The following DCN variants were observed in gnomAD, a reference collection of about 807,000 sequenced individuals.
DCN encodes decorin.
DCN carries 17 observed loss-of-function variants against 36.5 expected under a neutral mutation model. That is an observed-to-expected ratio of 0.47 (90% CI 0.32 to 0.70). The LOEUF is 0.70. DCN is among the 30% of genes least tolerant of loss of function. DCN has a pLI of 0.04. For missense variants in DCN, 389 were observed against 430.1 expected (o/e 0.90, Z 0.84); for synonymous variants, 163 against 161.4 (o/e 1.01, Z -0.07).
intron 2 of DCN, among the ~76,000 whole-genome samples, chr12:91,170,454 A>G (rs976030446): frequency 6.6e-6 from 1 of 152,156 alleles, no homozygotes; most frequent in African/African-American, 2.4e-5. Context: ...TTCTGCATTC[A>G]TCATTGTTCC....
intron 2 of DCN, among the ~76,000 whole-genome samples, chr12:91,168,897 G>A (rs1022610836): frequency 1.3e-5 from 2 of 152,144 alleles, no homozygotes; most frequent in African/African-American, 4.8e-5. Flanking sequence ...CTGTCTAATA[G>A]AGTGACTACT....
chr12:91,162,923 A>C (rs1678675999), intron 3 of DCN, among the ~76,000 whole-genome samples: 1 of 152,106 alleles, frequency 6.6e-6, no homozygotes, highest in African/African-American at 2.4e-5. Context: ...TATGAGACCT[A>C]ATTTCCAGAT....
At chr12:91,166,693 C>T (rs1945619623) in intron 2 of DCN, among the ~76,000 whole-genome samples, 1 of 151,636 alleles carries the variant, frequency 6.6e-6, no homozygotes, top group East Asian at 1.9e-4. Context: ...ATGGCTGACA[C>T]TTTCACTTAT....
chr12:91,168,469 T>C (rs1212115968), intron 2 of DCN, among the ~76,000 whole-genome samples: 1 of 152,214 alleles, frequency 6.6e-6, no homozygotes, highest in African/African-American at 2.4e-5. Context: ...TATTTATTTT[T>C]TTCCTGAGTA....
chr12:91,146,331 TA>T, intron 7 of DCN, 79 bp from the exon 8 acceptor site: 2 of 817,730 alleles, frequency 2.4e-6, no homozygotes, highest in Non-Finnish European at 3.9e-6. Context: ...TTATTTTTTT[TA>T]TTATTTTTTA....
intron 2 of DCN, among the ~76,000 whole-genome samples, chr12:91,167,654 C>T (rs376046323): frequency 2.0e-5 from 3 of 152,016 alleles, no homozygotes; most frequent in African/African-American, 7.2e-5. Context: ...GTTCAACATT[C>T]AAAATTTTAC....
At position 91,146,164 on chromosome 12, in the gene DCN, G is replaced by A. The variant is rs138244851; in HGVS notation, c.974C>T (p.Ser325Leu). The change falls in exon 8 of 8, where the codon TCG (serine) becomes TTG (leucine). Residue 325 changes from serine to leucine, a missense_variant. Physicochemically the swap from Ser to Leu is moderately radical, Grantham distance 145. Transcript: ENST00000052754. ...PGHNTKKASY[S>L]GVSLFSNPVQ... ...CGGGTTGCTGAAAAGACTCACACCC[G>A]AATAAGAAGCCTTTTTGGTGTTGTG... The A allele has an allele frequency of 6.2e-6, 10 of 1,613,188 alleles. No homozygotes were observed. The highest frequency in any genetic ancestry group is 4.0e-5 in the African/African-American group (3 of 74,838).
Position 91,178,350 on chromosome 12 carries a change from G to T in DCN, c.203C>A (p.Ser68Tyr). The T allele has an allele frequency of 6.2e-7, 1 of 1,613,652 alleles. No homozygotes were observed. The highest frequency in any genetic ancestry group is 8.5e-7 in the Non-Finnish European group (1 of 1,179,818). Residue 68 changes from serine (S) to tyrosine (Y), a missense_variant, in exon 2 of 8, where the codon TCT becomes TAT. Coordinates refer to ENST00000052754, the MANE Select transcript of DCN (RefSeq NM_001920.5). ...CQCHLRVVQC[S>Y]DLGLDKVPKD... ...AACTGCATCCCACTCACCCAAATCA[G>T]AACACTGGACCACTCGAAGATGGCA...
chr12:91,153,719 A>T (rs574411781), intron 5 of DCN, among the ~76,000 whole-genome samples: 1 of 152,252 alleles, frequency 6.6e-6, no homozygotes, highest in South Asian at 2.1e-4. Context: ...TACCTCTGCA[A>T]AATGTCTGTG....
Position 91,140,591 on chromosome 12 carries a change from C to T in DCN, c.*5467G>A, listed in dbSNP as rs946011211. ...GTTGCTAACATGTACAGTATGATTG[C>T]TTAGTTTGGACAAAGTCAAGTCATT... On this transcript the variant is annotated 3_prime_UTR_variant, in exon 8 of 8. Coordinates refer to ENST00000052754, the MANE Select transcript of DCN (RefSeq NM_001920.5). The T allele has an allele frequency of 6.6e-6, 1 of 152,048 alleles. No homozygotes were observed. The highest frequency in any genetic ancestry group is 2.4e-5 in the African/African-American group (1 of 41,402). 9.4% of individuals were successfully genotyped at this position (152,048 alleles called of 1,614,324 possible).
At chr12:91,159,485 C>T (rs1429168631) in intron 3 of DCN, among the ~76,000 whole-genome samples, 1 of 151,550 alleles carries the variant, frequency 6.6e-6, no homozygotes. Flanking sequence ...ATCACCAATA[C>T]TTCTCATGTT....
At chr12:91,171,661 C>T (rs1424635700) in intron 2 of DCN, among the ~76,000 whole-genome samples, 1 of 152,160 alleles carries the variant, frequency 6.6e-6, no homozygotes, top group African/African-American at 2.4e-5. Flanking sequence ...CCAGAGGATA[C>T]AACAGCCAAG....
chr12:91,163,635 G>A (rs980748923), intron 3 of DCN, among the ~76,000 whole-genome samples: 3 of 152,014 alleles, frequency 2.0e-5, no homozygotes, highest in Non-Finnish European at 4.4e-5. Context: ...CTGATAGACT[G>A]AACATTATGA....
At chr12:91,157,960 T>C (rs1446663286) in intron 4 of DCN, among the ~76,000 whole-genome samples, 1 of 152,142 alleles carries the variant, frequency 6.6e-6, no homozygotes, top group East Asian at 1.9e-4. Context: ...GATTTATGAG[T>C]GTTTAGAATA....
At chr12:91,161,873 A>G (rs950321384) in intron 3 of DCN, among the ~76,000 whole-genome samples, 6 of 151,282 alleles carry the variant, frequency 4.0e-5, no homozygotes, top group Non-Finnish European at 8.8e-5. Context: ...AACACTCACT[A>G]CTCATATCAT....
rs1372012327 is a variant in DCN, at chr12:91,153,125, A to G, written c.717T>C (p.Ala239=). ...CCAAATTATTCAGTCCTTTCAGGCT[A>G]GCTGCATCAACTCTGCTGATTTTGT... ...DGNKISRVDA[A]SLKGLNNLAK... is the part of the protein sequence containing the mutation. Residue 239 remains alanine, a synonymous_variant, in exon 6 of 8, where the codon GCT becomes GCC. Transcript: ENST00000052754. The G allele has an allele frequency of 1.2e-6, 2 of 1,607,856 alleles. No homozygotes were observed. Among genetic ancestry groups the G allele is most frequent in the East Asian group, 4.5e-5 (2 of 44,800 alleles).
chr12:91,172,646 A>G, intron 2 of DCN: 1 of 605,626 alleles, frequency 1.7e-6, no homozygotes, highest in Admixed American at 2.6e-5. Flanking sequence ...GCACTGAGAA[A>G]TCACTTTTGT....
rs376702647 is a variant in DCN, at chr12:91,144,818, T to C, written c.*1240A>G. On this transcript the variant is annotated 3_prime_UTR_variant, in exon 8 of 8. Coordinates refer to ENST00000052754, the MANE Select transcript of DCN (RefSeq NM_001920.5). ...AGTTTTTCATGTTCCACTGCACTCA[T>C]TCTGCTACTATTAGCAGAATTGATT... 6.6e-6 allele frequency: 1 copy of C among 152,172 alleles called. No individual in the cohort carries two copies. Among genetic ancestry groups the C allele is most frequent in the Non-Finnish European group, 1.5e-5 (1 of 68,026 alleles). 9.4% of individuals were successfully genotyped at this position (152,172 alleles called of 1,614,324 possible).
chr12:91,160,726 C>T (rs899819479), intron 3 of DCN, among the ~76,000 whole-genome samples: 3 of 151,988 alleles, frequency 2.0e-5, no homozygotes, highest in Non-Finnish European at 4.4e-5. Flanking sequence ...CAAGTGTTTG[C>T]TTTTGTTCAG....
Sources: allele counts gnomAD v4.1 joint callset (sites outside exome capture counted in the v4.1 genomes callset), GRCh38; gene constraint gnomAD v4.1.1; transcripts MANE v1.5; gene names NCBI Gene and HGNC (gene_info 2026-07-23, HGNC 2026-07-21).